UPP2: variants seen among roughly 807,000 people sequenced by gnomAD.
UPP2 encodes UPase 2.
UPP2 carries 23 observed loss-of-function variants against 26.7 expected under a neutral mutation model. That is an observed-to-expected ratio of 0.86 (90% CI 0.62 to 1.22). The LOEUF (loss-of-function observed/expected upper bound fraction) is 1.22, where lower values mean the gene tolerates loss of function less well. UPP2 is among the 50% of genes most tolerant of loss of function. The pLI, the probability that UPP2 is intolerant of heterozygous loss-of-function variation, is 0.00. For synonymous variants in UPP2, 127 were observed against 141.3 expected, an observed-to-expected ratio of 0.90 and a Z score of 0.72; for missense variants, 387 against 396.7, an observed-to-expected ratio of 0.98 and a Z score of 0.21.
intron 3 of UPP2, among the ~76,000 whole-genome samples, chr2:158,096,831 A>G (rs1422545958): frequency 2.6e-5 from 4 of 152,082 alleles, no homozygotes; most frequent in Non-Finnish European, 5.9e-5. Context: ...CAGAAGAACC[A>G]AAACTATTTT....
chr2:158,123,450 G>A (rs150507807), intron 5 of UPP2, among the ~76,000 whole-genome samples: 17 of 152,052 alleles, frequency 1.1e-4, no homozygotes, highest in Admixed American at 7.2e-4. Context: ...GCAACCCCCC[G>A]CTTCCTGATT....
chr2:158,020,767 C>CCT, intron 3 of UPP2, among the ~76,000 whole-genome samples: 1 of 152,190 alleles, frequency 6.6e-6, no homozygotes, highest in East Asian at 1.9e-4. Context: ...AAACACAATC[C>CCT]CTGTGGACCA....
intron 3 of UPP2, among the ~76,000 whole-genome samples, chr2:158,042,586 A>G (rs2105164808): frequency 6.6e-6 from 1 of 152,308 alleles, no homozygotes; most frequent in Middle Eastern, 3.4e-3. Flanking sequence ...TCCTTAAATG[A>G]TCTTGTCATG....
chr2:158,093,169 C>T (rs1206993544), intron 3 of UPP2, among the ~76,000 whole-genome samples: 1 of 152,066 alleles, frequency 6.6e-6, no homozygotes, highest in Non-Finnish European at 1.5e-5. Context: ...AATCTGTCCA[C>T]CTCAGCCTCC....
intron 3 of UPP2, 141 bp downstream of exon 3, chr2:158,115,400 T>A: frequency 2.9e-6 from 3 of 1,045,900 alleles, no homozygotes; most frequent in Non-Finnish European, 2.6e-6. Context: ...AGTTCATTAT[T>A]GGAAAAAGCC....
rs567096254 is a variant in UPP2, at chr2:158,049,204, T to C, written c.147+33318T>C. Among the ~76,000 whole-genome samples, 7 of 152,326 alleles carry C rather than the reference T, an allele frequency of 4.6e-5. No homozygotes were observed. In the South Asian group the frequency reaches 1.0e-3, roughly 23 times the overall value. ...TGTCTAACTTCTCCAGATAGAGACA[T>C]AGAGTTCAAAAGCAAAGCATGAGAG... On this transcript the variant is annotated intron_variant, in intron 3 of 9. Transcript: ENST00000605860.
At chr2:158,025,273 G>T (rs1198738080) in intron 3 of UPP2, among the ~76,000 whole-genome samples, 1 of 151,900 alleles carries the variant, frequency 6.6e-6, no homozygotes, top group South Asian at 2.1e-4. Flanking sequence ...GTGTGGAAAT[G>T]CTCTGGATAA....
At chr2:158,067,780 G>T (rs186617960) in intron 3 of UPP2, among the ~76,000 whole-genome samples, 4 of 152,074 alleles carry the variant, frequency 2.6e-5, no homozygotes, top group Admixed American at 2.0e-4. Flanking sequence ...AATAATTAGG[G>T]TTATGTTTCT....
At position 158,124,001 on chromosome 2, in the gene UPP2, A is replaced by C; in HGVS notation, c.811+106A>C. The C allele has an allele frequency of 2.4e-6, 3 of 1,250,194 alleles. No homozygotes were observed. In the Admixed American group the frequency reaches 6.9e-5, roughly 29 times the overall value. The allele number at this position is 1,250,194 out of a possible 1,614,324, so 77.4% of individuals were successfully genotyped here. A position where few individuals can be genotyped will look rare whatever the true frequency, so the allele number is the denominator to read the frequency against. On this transcript the variant is annotated intron_variant, in intron 6 of 6. Coordinates refer to ENST00000005756, the MANE Select transcript of UPP2 (RefSeq NM_173355.4). ...TCCAGCTATATATTACCTTGGGCTG[A>C]AGGCATGACTTATAATTGTATATAA...
chr2:158,066,350 T>C (rs1682434928), intron 3 of UPP2, among the ~76,000 whole-genome samples: 3 of 152,238 alleles, frequency 2.0e-5, no homozygotes, highest in Admixed American at 1.3e-4. Context: ...CATGCAGTAT[T>C]GAGTTATGTC....
intron 1 of UPP2, 38 bp from the exon 2 acceptor site, chr2:158,106,061 A>G: frequency 6.8e-7 from 1 of 1,462,802 alleles, no homozygotes; most frequent in Non-Finnish European, 9.2e-7. Flanking sequence ...TTCTCTCAAA[A>G]TTCTTTTATA....
At chr2:158,079,674 G>GA (rs1350128606) in intron 3 of UPP2, among the ~76,000 whole-genome samples, 1 of 151,838 alleles carries the variant, frequency 6.6e-6, no homozygotes, top group Non-Finnish European at 1.5e-5. Flanking sequence ...TCAAATGGCT[G>GA]AAAAAAAGCC....
At chr2:158,122,082 C>T (rs1401308764) in intron 5 of UPP2, among the ~76,000 whole-genome samples, 1 of 151,838 alleles carries the variant, frequency 6.6e-6, no homozygotes, top group Non-Finnish European at 1.5e-5. Context: ...GTTTTTATCT[C>T]TCAGCCATGA....
At chr2:158,000,884 T>C (rs2355163) in intron 2 of UPP2, among the ~76,000 whole-genome samples, 75,174 of 152,092 alleles carry the variant, frequency 0.49, 19,466 homozygotes, top group South Asian at 0.68. Flanking sequence ...TCCTCATCAG[T>C]AAAGTGGATA....
chr2:158,073,594 G>T (rs920289222), intron 3 of UPP2, among the ~76,000 whole-genome samples: 3 of 152,114 alleles, frequency 2.0e-5, no homozygotes, highest in Admixed American at 6.6e-5. Flanking sequence ...AAAACAGCAA[G>T]AGAAAAGAAA....
intron 1 of UPP2, among the ~76,000 whole-genome samples, chr2:158,104,948 A>G (rs1362643112): frequency 1.9e-4 from 11 of 57,196 alleles, no homozygotes; most frequent in South Asian, 1.1e-3. Context: ...AAGGGAAGGG[A>G]AGGGAAGGGA....
intron 4 of UPP2, 44 bp from the exon 5 acceptor site, chr2:158,121,365 C>A: frequency 6.4e-7 from 1 of 1,555,528 alleles, no homozygotes. Flanking sequence ...CAAAAGTAAA[C>A]TCTAAACGAT....
chr2:158,064,228 T>C (rs533977542), intron 3 of UPP2, among the ~76,000 whole-genome samples: 2 of 152,294 alleles, frequency 1.3e-5, no homozygotes, highest in South Asian at 2.1e-4. Context: ...TAAAAGTGTT[T>C]CTATTTCTCC....
intron 3 of UPP2, among the ~76,000 whole-genome samples, chr2:158,063,052 G>A (rs1457071425): frequency 6.6e-6 from 1 of 152,170 alleles, no homozygotes; most frequent in African/African-American, 2.4e-5. Flanking sequence ...ATCCCTTTGA[G>A]CCTGATTTCA....
Sources: allele counts gnomAD v4.1 joint callset (sites outside exome capture counted in the v4.1 genomes callset), GRCh38; gene constraint gnomAD v4.1.1; transcripts MANE v1.5; gene names NCBI Gene and HGNC (gene_info 2026-07-23, HGNC 2026-07-21).